The following DCK variants were observed in gnomAD, a reference collection of about 807,000 sequenced individuals.
The protein encoded by DCK is deoxyadenosine kinase.
Under a neutral mutation model 38.3 loss-of-function variants are expected in DCK, and 23 were observed. That is an observed-to-expected ratio of 0.60 (90% CI 0.43 to 0.85). The LOEUF (loss-of-function observed/expected upper bound fraction) is 0.85. DCK is among the 40% of genes least tolerant of loss of function. DCK has a pLI of 0.00. For synonymous variants in DCK, 108 were observed against 100.6 expected (o/e 1.07, Z -0.44); for missense variants, 259 against 304.4 (o/e 0.85, Z 1.11).
Position 71,001,654 on chromosome 4 carries a change from T to C in DCK, c.207+3472T>C, listed in dbSNP as rs1739803363. 2.0e-5 allele frequency among the ~76,000 whole-genome samples: 3 copies of C among 152,178 alleles called. No individual in the cohort carries two copies. The East Asian group carries it at 5.8e-4, about 29-fold the overall frequency. On this transcript the variant is annotated intron_variant, in intron 2 of 6. Transcript: ENST00000286648. Reference sequence around the variant, plus strand: ...GGTTGGTAGGATATTATTGCCTCAATTTCAGAACTTTTTATTGGTCTGTTC... The same window carrying C: ...GGTTGGTAGGATATTATTGCCTCAACTTCAGAACTTTTTATTGGTCTGTTC...
intron 2 of DCK, among the ~76,000 whole-genome samples, chr4:71,001,893 C>T (rs188498060): frequency 9.7e-4 from 147 of 152,242 alleles, no homozygotes; most frequent in African/African-American, 3.2e-3. Flanking sequence ...AGTGGTCTAT[C>T]TATTTTGTTA....
At position 71,029,421 on chromosome 4, in the gene DCK, C is replaced by T; in HGVS notation, c.*43C>T. On this transcript the variant is annotated 3_prime_UTR_variant, in exon 7 of 7. Transcript: ENST00000286648. ...GGCAGCCAAATGGTTCCAGATACTT[C>T]AGCTTTGTGTATCTTCGTAACTTCA... The T allele has an allele frequency of 6.7e-7, 1 of 1,483,926 alleles. No individual in the cohort carries two copies. The highest frequency in any genetic ancestry group is 9.4e-7 in the Non-Finnish European group (1 of 1,063,560). 91.9% of individuals were successfully genotyped at this position (1,483,926 alleles called of 1,614,324 possible).
At chr4:71,017,855 C>G (rs2065052516) in intron 2 of DCK, among the ~76,000 whole-genome samples, 1 of 151,784 alleles carries the variant, frequency 6.6e-6, no homozygotes, top group South Asian at 2.1e-4. Context: ...GTGCAGTACA[C>G]CAACATGGCA....
At position 71,016,840 on chromosome 4, in the gene DCK, A is replaced by T. The variant is rs188420879; in HGVS notation, c.208-5527A>T. On this transcript the variant is annotated intron_variant, in intron 2 of 6. Transcript: ENST00000286648. ...AAAACCATAAAAACCCTAGAAGAAA[A>T]CCTAGGCAATACTATTTGGGACATA... Among the ~76,000 whole-genome samples the T allele has an allele frequency of 2.2e-3, 340 of 152,312 alleles. 2 individuals carry two copies. The highest frequency in any genetic ancestry group is 7.8e-3 in the African/African-American group (326 of 41,560).
chr4:71,019,161 A>G (rs1197671924), intron 2 of DCK, among the ~76,000 whole-genome samples: 2 of 152,206 alleles, frequency 1.3e-5, no homozygotes, highest in African/African-American at 4.8e-5. Context: ...CTAAGAGACA[A>G]TAACATCTTC....
chr4:71,028,665 G>T, intron 6 of DCK: 1 of 436,620 alleles, frequency 2.3e-6, no homozygotes, highest in Non-Finnish European at 4.6e-6. Flanking sequence ...GCACAATCTT[G>T]GCTCACTGCC....
chr4:71,010,672 ATAAT>A (rs1321103434), intron 2 of DCK, among the ~76,000 whole-genome samples: 2 of 147,662 alleles, frequency 1.4e-5, no homozygotes, highest in East Asian at 3.9e-4. Context: ...TAAGTTATAT[ATAAT>A]ATAAAAATTA....
intron 1 of DCK, among the ~76,000 whole-genome samples, chr4:70,995,528 A>G (rs921572430): frequency 1.3e-5 from 2 of 152,074 alleles, no homozygotes; most frequent in Non-Finnish European, 2.9e-5. Context: ...ACAGTGAGCC[A>G]TGATCACACT....
chr4:71,017,579 C>T (rs1283528270), intron 2 of DCK, among the ~76,000 whole-genome samples: 1 of 151,930 alleles, frequency 6.6e-6, no homozygotes, highest in African/African-American at 2.4e-5. Context: ...CACATATACA[C>T]CATGGAATAC....
At chr4:70,998,302 T>G (rs1387758379) in intron 2 of DCK, 120 bp downstream of exon 2, 3 of 484,834 alleles carry the variant, frequency 6.2e-6, no homozygotes, top group African/African-American at 6.0e-5. Flanking sequence ...GTATATATCT[T>G]CATCTAGGTG....
intron 1 of DCK, among the ~76,000 whole-genome samples, chr4:70,994,925 T>G (rs68107614): frequency 1.3e-5 from 2 of 152,168 alleles, no homozygotes; most frequent in Non-Finnish European, 2.9e-5. Context: ...AACCTACCCC[T>G]GAAACTTCCT....
intron 3 of DCK, among the ~76,000 whole-genome samples, chr4:71,023,063 C>T (rs916354099): frequency 2.0e-5 from 3 of 152,062 alleles, no homozygotes; most frequent in Non-Finnish European, 4.4e-5. Flanking sequence ...CCTATTGATA[C>T]TTAACATTAC....
At chr4:71,005,335 C>G (rs1739913697) in intron 2 of DCK, among the ~76,000 whole-genome samples, 1 of 151,778 alleles carries the variant, frequency 6.6e-6, no homozygotes, top group African/African-American at 2.4e-5. Flanking sequence ...TTGGGTACTT[C>G]AGTCGGAAAT....
rs373825137 is a variant in DCK at position 71,009,133 on chromosome 4, CA to C, written c.207+10955del. On this transcript the variant is annotated intron_variant, in intron 2 of 6. Coordinates refer to ENST00000286648, the MANE Select transcript of DCK (RefSeq NM_000788.3). Reference sequence around the variant, plus strand: ...GATTACTGCATATTATATACATGTACAAAATTTCTCATGTATTCCATAATTT... The same window carrying C: ...GATTACTGCATATTATATACATGTACAAATTTCTCATGTATTCCATAATTT... Among the ~76,000 whole-genome samples, 165 of 152,258 alleles carry C rather than the reference CA, an allele frequency of 1.1e-3. 1 individual carries two copies. Among genetic ancestry groups the C allele is most frequent in the African/African-American group, 3.6e-3 (148 of 41,552 alleles).
chr4:71,021,448 C>T (rs903114392), intron 2 of DCK, among the ~76,000 whole-genome samples: 2 of 152,292 alleles, frequency 1.3e-5, no homozygotes, highest in South Asian at 4.1e-4. Flanking sequence ...TATTTTTCCT[C>T]AACATGTAAA....
At chr4:71,015,505 C>A (rs975296151) in intron 2 of DCK, among the ~76,000 whole-genome samples, 1 of 152,136 alleles carries the variant, frequency 6.6e-6, no homozygotes, top group African/African-American at 2.4e-5. Flanking sequence ...GACCAATATC[C>A]CTGATGAACA....
At chr4:71,012,582 A>G (rs747064278) in intron 2 of DCK, among the ~76,000 whole-genome samples, 3 of 152,202 alleles carry the variant, frequency 2.0e-5, no homozygotes, top group Non-Finnish European at 2.9e-5. Flanking sequence ...CAGAGGAACG[A>G]TCAGGCAGCA....
intron 2 of DCK, among the ~76,000 whole-genome samples, chr4:71,017,353 A>C (rs1166376708): frequency 1.3e-5 from 2 of 152,190 alleles, no homozygotes; most frequent in African/African-American, 4.8e-5. Flanking sequence ...TAGTTCAACC[A>C]TGTGTAAGAC....
Position 71,012,279 on chromosome 4 carries a change from T to C in DCK, c.208-10088T>C, listed in dbSNP as rs371212978. On this transcript the variant is annotated intron_variant, in intron 2 of 6. Transcript: ENST00000286648. ...AACAAAGTGGGCTGGAAGCTGGAACTGGGTGGAGCCCACCGCTGCTCAAGG... is the reference window on the plus strand; with the variant it reads ...AACAAAGTGGGCTGGAAGCTGGAACCGGGTGGAGCCCACCGCTGCTCAAGG... Among the ~76,000 whole-genome samples the C allele has an allele frequency of 2.0e-5, 3 of 152,308 alleles. No individual in the cohort carries two copies. In the East Asian group the frequency reaches 5.8e-4, roughly 29 times the overall value.
Sources: gnomAD v4.1 joint callset for allele counts (sites outside exome capture counted in the v4.1 genomes callset) on GRCh38, gnomAD v4.1.1 for gene constraint, MANE v1.5 for transcripts, NCBI Gene and HGNC (gene_info 2026-07-23, HGNC 2026-07-21) for gene names.